The following CNTNAP5 variants were observed in gnomAD, a reference collection of about 807,000 sequenced individuals.
The protein encoded by CNTNAP5 is contactin-associated protein-like 5.
A neutral mutation model predicts 150.2 loss-of-function variants in CNTNAP5; 72 were observed. The ratio of observed to expected loss-of-function variants is 0.48; its 90% CI spans 0.40 to 0.58. The LOEUF is 0.58. Among genes scored for constraint, CNTNAP5 ranks in the 20% least tolerant of loss-of-function variants. The probability of loss-of-function intolerance (pLI) is 0.00; values close to 1 mark genes in which losing one functional copy is unlikely to be tolerated. For synonymous variants in CNTNAP5, 672 were observed against 619.8 expected, an observed-to-expected ratio of 1.08 and a Z score of -1.25; for missense variants, 1,636 against 1,626.2, an observed-to-expected ratio of 1.01 and a Z score of -0.10.
At chr2:124,273,024 G>A (rs527801899) in intron 3 of CNTNAP5, among the ~76,000 whole-genome samples, 18 of 152,242 alleles carry the variant, frequency 1.2e-4, no homozygotes, top group Admixed American at 3.9e-4. Context: ...GCACGGTGAC[G>A]GACTTGATTC....
intron 1 of CNTNAP5, among the ~76,000 whole-genome samples, chr2:124,204,036 C>T (rs778199925): frequency 6.6e-6 from 1 of 152,192 alleles, no homozygotes; most frequent in Non-Finnish European, 1.5e-5. Context: ...TTATGCTCTG[C>T]TTCCCTCTTA....
At chr2:124,102,381 G>C (rs756503893) in intron 1 of CNTNAP5, among the ~76,000 whole-genome samples, 2 of 152,054 alleles carry the variant, frequency 1.3e-5, no homozygotes, top group Non-Finnish European at 2.9e-5. Flanking sequence ...TTTTCTCCTC[G>C]ATCCTGGCTG....
chr2:124,856,326 A>G (rs1029987594), intron 19 of CNTNAP5, among the ~76,000 whole-genome samples: 3 of 152,134 alleles, frequency 2.0e-5, no homozygotes, highest in African/African-American at 7.2e-5. Flanking sequence ...TTTCTTGTAT[A>G]ATGACTTACT....
At chr2:124,548,899 T>G (rs564602786) in intron 10 of CNTNAP5, among the ~76,000 whole-genome samples, 21 of 152,154 alleles carry the variant, frequency 1.4e-4, no homozygotes, top group Non-Finnish European at 1.9e-4. Flanking sequence ...AATTAAAACT[T>G]GGGTCTCTAA....
intron 3 of CNTNAP5, among the ~76,000 whole-genome samples, chr2:124,249,420 A>C (rs1687114875): frequency 6.6e-6 from 1 of 152,126 alleles, no homozygotes; most frequent in Non-Finnish European, 1.5e-5. Flanking sequence ...GCACTCTCTG[A>C]AGTCTGCTAT....
intron 13 of CNTNAP5, among the ~76,000 whole-genome samples, chr2:124,739,032 G>A (rs1187128383): frequency 6.6e-6 from 1 of 152,072 alleles, no homozygotes; most frequent in African/African-American, 2.4e-5. Flanking sequence ...AACCATGAAG[G>A]ATCCCCATAG....
chr2:124,856,115 TAA>T (rs566652995), intron 19 of CNTNAP5, among the ~76,000 whole-genome samples: 2 of 150,474 alleles, frequency 1.3e-5, no homozygotes, highest in African/African-American at 2.5e-5. Context: ...TGTGTGTGTA[TAA>T]AAAAATAAAG....
intron 1 of CNTNAP5, among the ~76,000 whole-genome samples, chr2:124,117,481 G>A (rs954217274): frequency 2.6e-5 from 4 of 152,102 alleles, no homozygotes; most frequent in African/African-American, 9.7e-5. Flanking sequence ...ATAACAAGAA[G>A]CACTGCATCC....
intron 17 of CNTNAP5, among the ~76,000 whole-genome samples, chr2:124,776,761 A>G (rs1469263468): frequency 6.6e-6 from 1 of 152,200 alleles, no homozygotes; most frequent in Non-Finnish European, 1.5e-5. Flanking sequence ...TTGGAAAATT[A>G]TCTGTTAGCA....
intron 13 of CNTNAP5, among the ~76,000 whole-genome samples, chr2:124,737,278 G>A (rs1361265812): frequency 2.8e-5 from 4 of 145,316 alleles, no homozygotes; most frequent in South Asian, 4.3e-4. Context: ...GCGACAGAGC[G>A]AGACTCCATC....
chr2:124,289,085 C>T (rs1002807316), intron 3 of CNTNAP5, among the ~76,000 whole-genome samples: 1 of 152,120 alleles, frequency 6.6e-6, no homozygotes, highest in Admixed American at 6.6e-5. Flanking sequence ...GGTTAGGTGG[C>T]CAGTGACCCA....
At chr2:124,449,881 T>G (rs6541953) in intron 6 of CNTNAP5, among the ~76,000 whole-genome samples, 140,119 of 152,158 alleles carry the variant, frequency 0.92, 64,579 homozygotes, top group East Asian at 1. Flanking sequence ...CACCCCAAAG[T>G]CTGTGTGGAG....
At chr2:124,427,185 A>G (rs1692257967) in intron 4 of CNTNAP5, among the ~76,000 whole-genome samples, 1 of 152,168 alleles carries the variant, frequency 6.6e-6, no homozygotes, top group African/African-American at 2.4e-5. Context: ...GATAACAGGT[A>G]TTAATATGAA....
chr2:124,223,094 C>T (rs984686626), intron 2 of CNTNAP5, among the ~76,000 whole-genome samples: 8 of 152,164 alleles, frequency 5.3e-5, no homozygotes, highest in South Asian at 4.2e-4. Flanking sequence ...AAAGTTGTTG[C>T]AAACATTATT....
chr2:124,134,546 C>T (rs1482432257), intron 1 of CNTNAP5, among the ~76,000 whole-genome samples: 2 of 152,154 alleles, frequency 1.3e-5, no homozygotes, highest in East Asian at 1.9e-4. Context: ...ACAATGAATG[C>T]TCTATCTCAT....
intron 1 of CNTNAP5, among the ~76,000 whole-genome samples, chr2:124,217,185 A>G (rs1418787062): frequency 1.3e-5 from 2 of 152,182 alleles, no homozygotes; most frequent in Non-Finnish European, 2.9e-5. Flanking sequence ...TGTGTGTCCC[A>G]TTGGAAGTGA....
chr2:124,298,413 T>C (rs1688493580), intron 3 of CNTNAP5, among the ~76,000 whole-genome samples: 1 of 152,130 alleles, frequency 6.6e-6, no homozygotes, highest in Admixed American at 6.5e-5. Context: ...CCAGACCAAC[T>C]CAAAATTACG....
chr2:124,579,872 G>A (rs1696371102), intron 11 of CNTNAP5, among the ~76,000 whole-genome samples: 1 of 152,202 alleles, frequency 6.6e-6, no homozygotes, highest in Admixed American at 6.5e-5. Flanking sequence ...GCAAAATAAT[G>A]GGAAGCAATT....
intron 1 of CNTNAP5, among the ~76,000 whole-genome samples, chr2:124,086,872 T>C (rs1273977554): frequency 6.6e-6 from 1 of 151,748 alleles, no homozygotes; most frequent in African/African-American, 2.4e-5. Context: ...TGTTTGTCTC[T>C]TCTCTGCTTT....
Sources: allele counts gnomAD v4.1 joint callset (sites outside exome capture counted in the v4.1 genomes callset), GRCh38; gene constraint gnomAD v4.1.1; transcripts MANE v1.5; gene names NCBI Gene and HGNC (gene_info 2026-07-23, HGNC 2026-07-21).